Variants in PCDHGB3 observed in about 807,000 individuals in gnomAD.
The protein encoded by PCDHGB3 is protocadherin gamma subfamily B, 3.
In PCDHGB3, 40 loss-of-function variants were observed where a neutral mutation model predicts 59.2. That is an observed-to-expected ratio of 0.68 (90% CI 0.52 to 0.88). The LOEUF is 0.88. Ranked by LOEUF, PCDHGB3 falls within the 40% of genes least tolerant of loss-of-function variation. PCDHGB3 has a pLI of 0.00. For missense variants in PCDHGB3, 1,309 were observed against 1,187.9 expected, an observed-to-expected ratio of 1.10 and a Z score of -1.50; for synonymous variants, 581 against 503.6, an observed-to-expected ratio of 1.15 and a Z score of -2.06.
At chr5:141,469,249 C>T (rs1025813940) in intron 1 of PCDHGB3, among the ~76,000 whole-genome samples, 1 of 152,026 alleles carries the variant, frequency 6.6e-6, no homozygotes, top group Non-Finnish European at 1.5e-5. Flanking sequence ...TGCACTCCAG[C>T]TTGGGCAACA....
chr5:141,403,694 C>T (rs746395931), intron 1 of PCDHGB3: 3 of 1,613,760 alleles, frequency 1.9e-6, no homozygotes, highest in Admixed American at 3.3e-5. Flanking sequence ...ACGGATTTAC[C>T]GAGTTAAAGT....
intron 1 of PCDHGB3, among the ~76,000 whole-genome samples, chr5:141,380,096 T>C (rs1180401530): frequency 3.3e-5 from 5 of 151,838 alleles, no homozygotes; most frequent in Non-Finnish European, 5.9e-5. Flanking sequence ...GATGGGGTTT[T>C]ACCATGATGG....
chr5:141,409,561 C>T (rs1296401858), intron 1 of PCDHGB3: 4 of 1,613,986 alleles, frequency 2.5e-6, no homozygotes, highest in Non-Finnish European at 3.4e-6. Context: ...CAGTTTTCGA[C>T]CAGACGTCCT....
chr5:141,497,538 AC>A lies in PCDHGB3; in HGVS notation c.2474+2675del, dbSNP rs1247704872. Among the ~76,000 whole-genome samples, 601 of 142,636 alleles carry A rather than the reference AC, an allele frequency of 4.2e-3. 3 individuals are homozygous for A. Among genetic ancestry groups the A allele is most frequent in the African/African-American group, 0.013 (497 of 38,408 alleles). The allele number at this position is 142,636 out of a possible 152,430, so 93.6% of individuals were successfully genotyped here. On this transcript the variant is annotated intron_variant, in intron 2 of 3. Coordinates refer to ENST00000576222, the MANE Select transcript of PCDHGB3 (RefSeq NM_018924.5). ...AGTTAACTTGTGGAGGATGCAACAA[AC>A]CTTTTTTTTTTTTTTTTTTAGACAG...
intron 1 of PCDHGB3, chr5:141,374,219 G>C: frequency 6.2e-7 from 1 of 1,614,020 alleles, no homozygotes; most frequent in African/African-American, 1.3e-5. Flanking sequence ...CTCCTTCGTA[G>C]GCAACATCGT....
At chr5:141,409,423 T>C in intron 1 of PCDHGB3, 1 of 1,614,026 alleles carries the variant, frequency 6.2e-7, no homozygotes. Flanking sequence ...TGGTGACAGA[T>C]GGAGCCCTGG....
chr5:141,400,068 G>A (rs2093954953), intron 1 of PCDHGB3: 1 of 1,613,706 alleles, frequency 6.2e-7, no homozygotes, highest in African/African-American at 1.3e-5. Flanking sequence ...ATGGTGGACA[G>A]CCGCCACTCT....
At chr5:141,415,750 T>TTTG in intron 1 of PCDHGB3, 2 of 1,313,212 alleles carry the variant, frequency 1.5e-6, no homozygotes, top group African/African-American at 1.6e-5. Context: ...GTTTTTTTTT[T>TTTG]TTTTTTTTTT....
At position 141,393,662 on chromosome 5, in the gene PCDHGB3, A is replaced by T. The variant is rs1442061423; in HGVS notation, c.2415+20853A>T. The T allele has an allele frequency of 8.7e-6, 14 of 1,613,816 alleles. No individual in the cohort carries two copies. In the Admixed American group the frequency reaches 2.3e-4, roughly 27 times the overall value. On this transcript the variant is annotated intron_variant, in intron 1 of 3. Transcript: ENST00000576222. ...GAAAAGTGGCATACAAATTCCGGAAAATTAATGAAAAACAAACTCCGTTAT... is the reference window on the plus strand; with the variant it reads ...GAAAAGTGGCATACAAATTCCGGAATATTAATGAAAAACAAACTCCGTTAT...
chr5:141,456,878 G>A (rs71583646), intron 1 of PCDHGB3, among the ~76,000 whole-genome samples: 21 of 152,162 alleles, frequency 1.4e-4, no homozygotes, highest in African/African-American at 2.4e-4. Flanking sequence ...CAGGAGAATC[G>A]CTTGAACCCG....
At chr5:141,498,947 AAAAG>A (rs1475471777) in intron 2 of PCDHGB3, among the ~76,000 whole-genome samples, 1 of 145,446 alleles carries the variant, frequency 6.9e-6, no homozygotes, top group African/African-American at 2.6e-5. Context: ...GAAAGAAAGA[AAAAG>A]AGAGAGAGGG....
chr5:141,431,681 G>A lies in PCDHGB3; in HGVS notation c.2415+58872G>A. The A allele has an allele frequency of 6.2e-7, 1 of 1,614,214 alleles. No homozygotes were observed. The highest frequency in any genetic ancestry group is 1.1e-5 in the South Asian group (1 of 91,086). ...GACAATATCAACAATAGGGGAGTTG[G>A]ACCACGAGGAGTCAGGATTCTACCA... On this transcript the variant is annotated intron_variant, in intron 1 of 3. Coordinates refer to ENST00000576222, the MANE Select transcript of PCDHGB3 (RefSeq NM_018924.5). This position sits in a 1 kb window ranked among gnomAD's most constrained non-coding sequence, Gnocchi z 4.8.
At chr5:141,473,010 AAAAG>A (rs1014377988) in intron 1 of PCDHGB3, among the ~76,000 whole-genome samples, 22 of 151,958 alleles carry the variant, frequency 1.4e-4, no homozygotes, top group Admixed American at 7.9e-4. Context: ...AAGAAAAAGA[AAAAG>A]AAAGAAGGAA....
At position 141,445,006 on chromosome 5, in the gene PCDHGB3, G is replaced by A. The variant is rs550056654; in HGVS notation, c.2416-49801G>A. Among the ~76,000 whole-genome samples, 51 of 152,044 alleles carry A rather than the reference G, an allele frequency of 3.4e-4. 2 individuals are homozygous for A. The South Asian group carries it at 9.6e-3, about 28-fold the overall frequency. ...CATGGTATATATTTCCATTTAATTA[G>A]GTCTTTAATTTCTCTCAGCTATGTT... On this transcript the variant is annotated intron_variant, in intron 1 of 3. Transcript: ENST00000576222.
rs767577725 is a variant in PCDHGB3, at chr5:141,485,642, G to C, written c.2416-9165G>C. On this transcript the variant is annotated intron_variant, in intron 1 of 3. Transcript: ENST00000576222. This position sits in a 1 kb window ranked among gnomAD's most constrained non-coding sequence, Gnocchi z 5.7. ...AGGACAGCGTTTCCCGTTGGAAAAGGCTCAGGATGCAGATGTGGGGAGCAA... is the reference window on the plus strand; with the variant it reads ...AGGACAGCGTTTCCCGTTGGAAAAGCCTCAGGATGCAGATGTGGGGAGCAA... 2 of 1,612,044 alleles carry C rather than the reference G, an allele frequency of 1.2e-6. No individual in the cohort carries two copies. The highest frequency in any genetic ancestry group is 8.5e-7 in the Non-Finnish European group (1 of 1,178,592).
chr5:141,418,433 C>A (rs761824602), intron 1 of PCDHGB3: 6 of 1,613,820 alleles, frequency 3.7e-6, no homozygotes, highest in South Asian at 3.3e-5. Flanking sequence ...TGGCAAATAT[C>A]CAGAATTAGT....
intron 1 of PCDHGB3, among the ~76,000 whole-genome samples, chr5:141,494,341 G>C (rs565090556): frequency 9.2e-5 from 14 of 152,352 alleles, no homozygotes; most frequent in Admixed American, 9.1e-4. Context: ...ACCAAGAACA[G>C]CAGCCATCTT....
intron 1 of PCDHGB3, chr5:141,409,618 G>C: frequency 6.2e-7 from 1 of 1,613,894 alleles, no homozygotes; most frequent in Non-Finnish European, 8.5e-7. Context: ...CCTCCATTGC[G>C]CAAGTGAGCG....
chr5:141,441,764 C>A, intron 1 of PCDHGB3: 1 of 384,482 alleles, frequency 2.6e-6, no homozygotes, highest in South Asian at 2.1e-5. Flanking sequence ...TGAGCCTGCG[C>A]GTGTTGGTGG....
Sources: gnomAD v4.1 joint callset for allele counts (sites outside exome capture counted in the v4.1 genomes callset) on GRCh38, gnomAD v4.1.1 for gene constraint, Gnocchi (gnomAD v3.1) non-coding constraint, MANE v1.5 for transcripts, NCBI Gene and HGNC (gene_info 2026-07-23, HGNC 2026-07-21) for gene names.